The following PTCH1 variants were observed in gnomAD, a reference collection of about 807,000 sequenced individuals.
PTCH1 encodes protein patched homolog 1.
A neutral mutation model predicts 144.6 loss-of-function variants in PTCH1; 14 were observed. That is an observed-to-expected ratio of 0.10 (90% CI 0.06 to 0.15). PTCH1 has a LOEUF of 0.15. PTCH1 is among the 10% of genes least tolerant of loss of function. PTCH1 has a pLI of 1.00. For synonymous variants in PTCH1, 833 were observed against 793.6 expected (o/e 1.05, Z -0.83); for missense variants, 1,623 against 1,948.3 (o/e 0.83, Z 3.14).
intron 19 of PTCH1, among the ~76,000 whole-genome samples, chr9:95,454,230 A>T (rs1347941001): frequency 6.6e-6 from 1 of 152,200 alleles, no homozygotes; most frequent in Non-Finnish European, 1.5e-5. Flanking sequence ...TAGGCCAGAA[A>T]TGCTGTTGAT....
chr9:95,447,712 T>C (rs1490743522), intron 22 of PTCH1, among the ~76,000 whole-genome samples: 1 of 152,220 alleles, frequency 6.6e-6, no homozygotes. Flanking sequence ...CCCATAAATG[T>C]GGGCTGTGGT....
rs2136564933 is a variant in PTCH1, at chr9:95,446,169, C to T, written c.*224G>A. The T allele has an allele frequency of 3.0e-6, 1 of 334,514 alleles. No individual in the cohort carries two copies. The highest frequency in any genetic ancestry group is 2.1e-5 in the African/African-American group (1 of 46,772). 20.7% of individuals were successfully genotyped at this position (334,514 alleles called of 1,614,324 possible). ...GGAGTGGAGAAGCCCCAGATCATAC[C>T]ACTTTACATCCTTCCTTCCTATATT... On this transcript the variant is annotated 3_prime_UTR_variant, in exon 24 of 24. Coordinates refer to ENST00000331920, the MANE Select transcript of PTCH1 (RefSeq NM_000264.5).
exon 1 of PTCH1, chr9:95,516,782 ACTC>A: frequency 6.2e-7 from 1 of 1,611,956 alleles, no homozygotes. Flanking sequence ...TGCAGCGCGG[ACTC>A]ACAATTACAA....
intron 16 of PTCH1, chr9:95,459,987 T>C (rs1221013222): frequency 3.6e-5 from 23 of 643,174 alleles, no homozygotes; most frequent in Non-Finnish European, 6.1e-5. Flanking sequence ...CTGGCGTGTT[T>C]ATAACAAACA....
chr9:95,515,987 TG>T (rs1436828434), intron 1 of PTCH1, among the ~76,000 whole-genome samples: 1 of 151,928 alleles, frequency 6.6e-6, no homozygotes, highest in Admixed American at 6.5e-5. Flanking sequence ...GCGCGCGCTC[TG>T]AGCCCCCTCC....
intron 12 of PTCH1, among the ~76,000 whole-genome samples, chr9:95,471,528 A>T (rs1350662935): frequency 1.3e-5 from 2 of 152,254 alleles, no homozygotes; most frequent in African/African-American, 4.8e-5. Flanking sequence ...TCTTTTAAAA[A>T]GAAAAGTCTA....
Position 95,469,061 on chromosome 9 carries a change from C to A in PTCH1, c.1940G>T (p.Ser647Ile), listed in dbSNP as rs2118052247. The A allele has an allele frequency of 6.2e-7, 1 of 1,613,948 alleles. No individual in the cohort carries two copies. Among genetic ancestry groups the A allele is most frequent in the African/African-American group, 1.3e-5 (1 of 74,966 alleles). The part of the protein sequence containing the change: ...TRYSPPPPYS[S>I]HSFAHETQIT... ...CTGCGTTTCATGGGCAAAGCTGTGG[C>A]TGCTGTAGGGAGGTGGGGGGCTGTA... The change falls in exon 14 of 24, where the codon AGC becomes ATC. Residue 647 changes from serine (S) to isoleucine (I), a missense_variant. This residue lies in a region of PTCH1 where 179 missense variants were observed against 165.7 expected (regional missense o/e 1.08). Transcript: ENST00000331920.
rs779167673 is a variant in PTCH1 at position 95,468,822 on chromosome 9, A to G, written c.2179T>C (p.Cys727Arg). ...DSSLHCLEPP[C>R]TKWTLSSFAE... is the part of the protein sequence containing the mutation. Reference sequence around the variant, plus strand: ...AAAGATGAGAGTGTCCACTTCGTACAGGGGGGCTCGAGGCAGTGGAGGCTG... The same window carrying G: ...AAAGATGAGAGTGTCCACTTCGTACGGGGGGGCTCGAGGCAGTGGAGGCTG... The change falls in exon 14 of 24, where the codon TGT becomes CGT. Residue 727 changes from cysteine (C) to arginine (R), a missense_variant. Transcript: ENST00000331920. 40 of 1,614,002 alleles carry G rather than the reference A, an allele frequency of 2.5e-5. No individual in the cohort carries two copies. Among genetic ancestry groups the G allele is most frequent in the Non-Finnish European group, 3.4e-5 (40 of 1,180,002 alleles).
intron 12 of PTCH1, among the ~76,000 whole-genome samples, chr9:95,475,120 C>G (rs1281996432): frequency 1.3e-5 from 2 of 152,164 alleles, no homozygotes; most frequent in African/African-American, 4.8e-5. Context: ...TTACTGGCTG[C>G]AGTAACTAAT....
intron 1 of PTCH1, among the ~76,000 whole-genome samples, chr9:95,514,685 T>A (rs1844290038): frequency 6.7e-6 from 1 of 149,306 alleles, no homozygotes; most frequent in Admixed American, 6.6e-5. Flanking sequence ...ACGGGAGACA[T>A]ATTTTAATCC....
intron 3 of PTCH1, chr9:95,482,526 G>A: frequency 2.6e-6 from 1 of 390,076 alleles, no homozygotes; most frequent in Non-Finnish European, 4.7e-6. Context: ...CAACTTCAGG[G>A]CAGCCCAGCT....
chr9:95,482,687 AAAC>A (rs1398777407), intron 3 of PTCH1: 2 of 204,556 alleles, frequency 9.8e-6, no homozygotes, highest in Non-Finnish European at 2.0e-5. Context: ...TTAATATTAT[AAAC>A]AACAACATGT....
At chr9:95,481,470 C>A (rs1841527879) in intron 5 of PTCH1, among the ~76,000 whole-genome samples, 1 of 152,198 alleles carries the variant, frequency 6.6e-6, no homozygotes. Context: ...CTACTGTGGC[C>A]TTCACAGATA....
Position 95,449,493 on chromosome 9 carries a change from C to T in PTCH1, c.3550-170G>A, listed in dbSNP as rs988043541. 1.3e-5 allele frequency: 12 copies of T among 913,306 alleles called. No homozygotes were observed. The highest frequency in any genetic ancestry group is 3.1e-5 in the South Asian group (2 of 64,566). The allele number at this position is 913,306 out of a possible 1,614,324, so 56.6% of individuals were successfully genotyped here. On this transcript the variant is annotated intron_variant, in intron 21 of 23. Coordinates refer to ENST00000331920, the MANE Select transcript of PTCH1 (RefSeq NM_000264.5). The surrounding 1 kb of genome is among the most constrained non-coding windows in gnomAD (Gnocchi z 5.3). ...TACCACCTGGAGGACCTTCAGGTCC[C>T]GCAGCTGGAGCAGAAGAACTGTCCT...
rs1433216868 is a variant in PTCH1, at chr9:95,443,694, A to G, written c.*2699T>C. On this transcript the variant is annotated 3_prime_UTR_variant, in exon 24 of 24. Coordinates refer to ENST00000331920, the MANE Select transcript of PTCH1 (RefSeq NM_000264.5). ...TCCAGACATTATGGATTCATCACAT[A>G]TAAATTCTTTAAAAATATACTTCTG... The G allele has an allele frequency of 6.6e-6, 1 of 152,650 alleles. No individual in the cohort carries two copies. Among genetic ancestry groups the G allele is most frequent in the Non-Finnish European group, 1.5e-5 (1 of 68,038 alleles). The allele number at this position is 152,650 out of a possible 1,614,324, so 9.5% of individuals were successfully genotyped here.
chr9:95,480,269 A>G, intron 6 of PTCH1, 121 bp downstream of exon 6: 1 of 1,531,404 alleles, frequency 6.5e-7, no homozygotes. Flanking sequence ...TTAGTTCCAT[A>G]GACAAAGACG....
At chr9:95,455,422 G>A (rs974778304) in intron 19 of PTCH1, among the ~76,000 whole-genome samples, 1 of 152,214 alleles carries the variant, frequency 6.6e-6, no homozygotes, top group South Asian at 2.1e-4. Context: ...TATTTCGCAC[G>A]TCGATATTTA....
chr9:95,499,332 T>C (rs1344932169), intron 2 of PTCH1, among the ~76,000 whole-genome samples: 4 of 151,002 alleles, frequency 2.6e-5, no homozygotes, highest in African/African-American at 7.3e-5. Context: ...CTGTATCTAG[T>C]ATCTCCCACA....
In PTCH1 at chr9:95,458,564, C is replaced by T. The variant is rs56163504; in HGVS notation, c.2888-271G>A. On this transcript the variant is annotated intron_variant, in intron 17 of 23. Coordinates refer to ENST00000331920, the MANE Select transcript of PTCH1 (RefSeq NM_000264.5). This position sits in a 1 kb window ranked among gnomAD's most constrained non-coding sequence, Gnocchi z 4.7. ...GAGGGGTCTAAAAACTCCAGGCTTA[C>T]ATTTTGGGAACATTTTTTTGTTCCC... Among the ~76,000 whole-genome samples, 2,448 of 152,296 alleles carry T rather than the reference C, an allele frequency of 0.016. 59 individuals are homozygous for T. Among genetic ancestry groups the T allele is most frequent in the African/African-American group, 0.056 (2,321 of 41,566 alleles).
Sources: allele counts gnomAD v4.1 joint callset (sites outside exome capture counted in the v4.1 genomes callset), GRCh38; gene constraint gnomAD v4.1.1; regional missense constraint gnomAD v4.1.1; non-coding constraint Gnocchi (gnomAD v3.1); transcripts MANE v1.5; gene names NCBI Gene and HGNC (gene_info 2026-07-23, HGNC 2026-07-21).